Variants in LEMD1 observed in about 807,000 individuals in gnomAD.
LEMD1 encodes the protein LEM domain containing 1.
A neutral mutation model predicts 17.4 loss-of-function variants in LEMD1; 18 were observed. The ratio of observed to expected loss-of-function variants is 1.04; its 90% CI spans 0.72 to 1.54. The LOEUF (loss-of-function observed/expected upper bound fraction) is 1.54, where lower values mean the gene tolerates loss of function less well. Among genes scored for constraint, LEMD1 ranks in the 40% most tolerant of loss-of-function variants. The pLI is 0.00. For missense variants in LEMD1, 195 were observed against 210.4 expected (o/e 0.93, Z 0.45); for synonymous variants, 88 against 77.8 (o/e 1.13, Z -0.69).
intron 4 of LEMD1, among the ~76,000 whole-genome samples, chr1:205,400,853 C>CT (rs1553393648): frequency 1.0e-4 from 10 of 99,802 alleles, no homozygotes; most frequent in African/African-American, 2.2e-4. Context: ...TCCCCCCCCC[C>CT]ACCCCACAAC....
At chr1:205,392,204 TA>T (rs1377696806) in intron 4 of LEMD1, among the ~76,000 whole-genome samples, 1 of 152,178 alleles carries the variant, frequency 6.6e-6, no homozygotes, top group Non-Finnish European at 1.5e-5. Flanking sequence ...GGAATTATGT[TA>T]CCAAGATTTT....
chr1:205,411,695 GA>G lies in LEMD1; in HGVS notation c.270+4536del, dbSNP rs1301752606. On this transcript the variant is annotated intron_variant, in intron 4 of 5. Transcript: ENST00000367153. ...GAAAAGAAAGAAAGAAAGAAAGAAA[GA>G]AAAAGGAAGAAAGAAAGAAAGAGAA... is the stretch of plus-strand genomic sequence containing the variant. Among the ~76,000 whole-genome samples, 4 of 144,876 alleles carry G rather than the reference GA, an allele frequency of 2.8e-5. No individual in the cohort carries two copies. In the South Asian group the frequency reaches 9.4e-4, roughly 34 times the overall value.
At chr1:205,416,698 G>C (rs1665713396) in intron 3 of LEMD1, among the ~76,000 whole-genome samples, 1 of 152,164 alleles carries the variant, frequency 6.6e-6, no homozygotes, top group Non-Finnish European at 1.5e-5. Flanking sequence ...GGCCAGACCT[G>C]TGCTAAAAGC....
intron 4 of LEMD1, among the ~76,000 whole-genome samples, chr1:205,393,891 A>T (rs1334531476): frequency 6.6e-6 from 1 of 152,092 alleles, no homozygotes; most frequent in Non-Finnish European, 1.5e-5. Context: ...AGGTACTCAA[A>T]TACTTGAACA....
intron 5 of LEMD1, among the ~76,000 whole-genome samples, chr1:205,383,596 C>T (rs1172783634): frequency 6.6e-6 from 1 of 150,500 alleles, no homozygotes; most frequent in Non-Finnish European, 1.5e-5. Context: ...CTTATTTATC[C>T]TATTTAACTG....
intron 1 of LEMD1, among the ~76,000 whole-genome samples, chr1:205,445,322 G>A: frequency 6.6e-6 from 1 of 152,180 alleles, no homozygotes; most frequent in East Asian, 1.9e-4. Flanking sequence ...GGTGGGTGGT[G>A]GCACAAACTA....
chr1:205,423,229 TC>T (rs1192655008), upstream of LEMD1, among the ~76,000 whole-genome samples: 1 of 152,216 alleles, frequency 6.6e-6, no homozygotes, highest in Non-Finnish European at 1.5e-5. Context: ...GGGCTATGGC[TC>T]CACAGTTTCT....
chr1:205,444,997 C>G (rs1666359154), intron 1 of LEMD1, among the ~76,000 whole-genome samples: 3 of 152,042 alleles, frequency 2.0e-5, no homozygotes, highest in Admixed American at 1.3e-4. Flanking sequence ...TCCCCGGCTC[C>G]CTTAGCACCG....
At chr1:205,431,378 G>A (rs923456299) in intron 1 of LEMD1, among the ~76,000 whole-genome samples, 2 of 152,218 alleles carry the variant, frequency 1.3e-5, no homozygotes, top group Non-Finnish European at 2.9e-5. Flanking sequence ...TTGAACACCT[G>A]CTTTGTGCCA....
intron 5 of LEMD1, 69 bp from the exon 6 acceptor site, chr1:205,381,925 T>A: frequency 6.6e-7 from 1 of 1,506,272 alleles, no homozygotes; most frequent in South Asian, 1.1e-5. Flanking sequence ...CCTTAAAGTG[T>A]GTGGGTCTTG....
At chr1:205,412,705 G>A (rs1665505669) in intron 4 of LEMD1, among the ~76,000 whole-genome samples, 1 of 152,166 alleles carries the variant, frequency 6.6e-6, no homozygotes, top group Non-Finnish European at 1.5e-5. Context: ...CAGATGTCTT[G>A]AGGCCCTTCT....
intron 1 of LEMD1, among the ~76,000 whole-genome samples, chr1:205,427,185 C>T (rs920148476): frequency 2.6e-5 from 4 of 151,994 alleles, no homozygotes; most frequent in African/African-American, 9.7e-5. Flanking sequence ...CAGTACATTC[C>T]TTCCAGAATT....
chr1:205,392,052 A>C (rs1664366550), intron 4 of LEMD1, among the ~76,000 whole-genome samples: 2 of 151,968 alleles, frequency 1.3e-5, no homozygotes, highest in African/African-American at 4.8e-5. Flanking sequence ...CGGAGGTTTA[A>C]ATGAGCCAAG....
chr1:205,422,161 C>A (rs1558737543), upstream of LEMD1: 1 of 152,130 alleles, frequency 6.6e-6, no homozygotes, highest in Non-Finnish European at 1.5e-5. Flanking sequence ...GATTGATGTG[C>A]AAATCAGATG....
At chr1:205,411,957 C>T (rs1186673098) in intron 4 of LEMD1, among the ~76,000 whole-genome samples, 1 of 152,308 alleles carries the variant, frequency 6.6e-6, no homozygotes, top group Non-Finnish European at 1.5e-5. Context: ...TGCAGCAGCC[C>T]TCTGAAGATG....
intron 4 of LEMD1, among the ~76,000 whole-genome samples, chr1:205,407,329 CAA>C (rs1202450022): frequency 4.3e-4 from 24 of 55,254 alleles, no homozygotes; most frequent in Admixed American, 6.0e-4. Context: ...GACCCCATCT[CAA>C]AAAAAAAAAA....
intron 1 of LEMD1, among the ~76,000 whole-genome samples, chr1:205,444,360 G>C (rs943156567): frequency 6.6e-6 from 1 of 151,944 alleles, no homozygotes; most frequent in Non-Finnish European, 1.5e-5. Context: ...ACGGTCTGGG[G>C]GCACAGACGA....
intron 1 of LEMD1, among the ~76,000 whole-genome samples, chr1:205,440,253 G>A (rs1158085757): frequency 6.6e-6 from 1 of 152,188 alleles, no homozygotes; most frequent in Non-Finnish European, 1.5e-5. Flanking sequence ...GAACACGGGT[G>A]GGTCAGGGCC....
intron 4 of LEMD1, among the ~76,000 whole-genome samples, chr1:205,410,058 G>A (rs906866616): frequency 2.0e-5 from 3 of 151,992 alleles, no homozygotes; most frequent in African/African-American, 4.8e-5. Flanking sequence ...TTACAGGCGT[G>A]AGCCACCGTG....
Sources: gnomAD v4.1 joint callset for allele counts (sites outside exome capture counted in the v4.1 genomes callset) on GRCh38, gnomAD v4.1.1 for gene constraint, MANE v1.5 for transcripts, NCBI Gene and HGNC (gene_info 2026-07-23, HGNC 2026-07-21) for gene names.